Variants in DDX6 observed in about 807,000 individuals in gnomAD.
DDX6 encodes probable ATP-dependent RNA helicase DDX6.
Under a neutral mutation model 60.6 loss-of-function variants are expected in DDX6, and 7 were observed. That is an observed-to-expected ratio of 0.12 (90% confidence interval 0.07 to 0.22). The LOEUF is 0.22. DDX6 is among the 10% of genes least tolerant of loss of function. The pLI is 1.00. For missense variants in DDX6, 270 were observed against 589.9 expected, an observed-to-expected ratio of 0.46 and a Z score of 5.62; for synonymous variants, 207 against 201.0, an observed-to-expected ratio of 1.03 and a Z score of -0.25.
intron 7 of DDX6, among the ~76,000 whole-genome samples, chr11:118,761,694 A>T (rs1023119869): frequency 6.6e-6 from 1 of 152,276 alleles, no homozygotes; most frequent in Middle Eastern, 3.4e-3. Flanking sequence ...AATTAAACCT[A>T]AACTCTGGCA....
At chr11:118,783,663 G>A (rs1454410976) in intron 2 of DDX6, among the ~76,000 whole-genome samples, 2 of 151,750 alleles carry the variant, frequency 1.3e-5, no homozygotes, top group South Asian at 4.1e-4. Context: ...TTAGCCAGAC[G>A]TGATGGTGGA....
At chr11:118,785,917 A>G (rs1343428020) in intron 2 of DDX6, 135 bp downstream of exon 2, 3 of 778,568 alleles carry the variant, frequency 3.9e-6, no homozygotes, top group Non-Finnish European at 3.9e-6. Flanking sequence ...CCTACTGGCC[A>G]TAAAACAAAG....
intron 4 of DDX6, 126 bp from the exon 5 acceptor site, chr11:118,768,478 A>T: frequency 1.1e-6 from 1 of 926,446 alleles, no homozygotes; most frequent in East Asian, 2.5e-5. Context: ...CTACATTTGA[A>T]TTCTACATGA....
At chr11:118,779,196 T>C (rs1861805344) in intron 4 of DDX6, among the ~76,000 whole-genome samples, 1 of 150,068 alleles carries the variant, frequency 6.7e-6, no homozygotes, top group African/African-American at 2.4e-5. Context: ...GAAGGGGTTG[T>C]AGGCTGTATT....
intron 6 of DDX6, among the ~76,000 whole-genome samples, chr11:118,763,538 A>G (rs745980739): frequency 2.6e-5 from 4 of 152,048 alleles, no homozygotes; most frequent in Non-Finnish European, 5.9e-5. Context: ...ACTATCTTTT[A>G]TTAGAAACAA....
chr11:118,774,244 C>T (rs1300808856), intron 4 of DDX6, among the ~76,000 whole-genome samples: 2 of 152,116 alleles, frequency 1.3e-5, no homozygotes, highest in Non-Finnish European at 2.9e-5. Flanking sequence ...CAGACAAAAA[C>T]AGTATATTCT....
intron 5 of DDX6, among the ~76,000 whole-genome samples, chr11:118,767,349 T>C (rs571307335): frequency 1.3e-5 from 2 of 152,214 alleles, no homozygotes; most frequent in Non-Finnish European, 1.5e-5. Flanking sequence ...ATTTACATCA[T>C]ATGAAAGTGG....
intron 11 of DDX6, among the ~76,000 whole-genome samples, 167 bp from the exon 12 acceptor site, chr11:118,755,670 CT>C (rs1388046186): frequency 1.3e-5 from 2 of 152,110 alleles, no homozygotes; most frequent in Non-Finnish European, 2.9e-5. Flanking sequence ...TCATAAATAA[CT>C]TTCTGCTCCC....
At chr11:118,762,847 C>T (rs1465175255) in intron 7 of DDX6, among the ~76,000 whole-genome samples, 4 of 152,080 alleles carry the variant, frequency 2.6e-5, no homozygotes, top group African/African-American at 7.2e-5. Context: ...AAAAACCAAA[C>T]AGTACAAAGT....
intron 4 of DDX6, among the ~76,000 whole-genome samples, chr11:118,770,133 C>A (rs942081445): frequency 6.6e-6 from 1 of 151,986 alleles, no homozygotes; most frequent in African/African-American, 2.4e-5. Context: ...TCAGGCGATT[C>A]TCCTGCCTCA....
chr11:118,776,559 G>C (rs570172015), intron 4 of DDX6, among the ~76,000 whole-genome samples: 1 of 152,188 alleles, frequency 6.6e-6, no homozygotes. Flanking sequence ...AGTGGGCCAG[G>C]TGTGTTGGCT....
chr11:118,776,254 T>C (rs1861695835), intron 4 of DDX6, among the ~76,000 whole-genome samples: 1 of 152,228 alleles, frequency 6.6e-6, no homozygotes, highest in African/African-American at 2.4e-5. Context: ...GTACTAGGCA[T>C]TGTACTAAGC....
At chr11:118,781,696 G>A (rs1861905139) in intron 2 of DDX6, among the ~76,000 whole-genome samples, 1 of 152,226 alleles carries the variant, frequency 6.6e-6, no homozygotes, top group African/African-American at 2.4e-5. Flanking sequence ...GGGAGGCCAA[G>A]GTGGGCGGAT....
At chr11:118,752,624 GA>G (rs1860815182) in intron 13 of DDX6, among the ~76,000 whole-genome samples, 1 of 151,648 alleles carries the variant, frequency 6.6e-6, no homozygotes, top group Non-Finnish European at 1.5e-5. Context: ...AAAAGAAAGA[GA>G]AAAAAAATTT....
At chr11:118,789,411 C>T (rs1423429056) in intron 1 of DDX6, 3 of 152,136 alleles carry the variant, frequency 2.0e-5, no homozygotes, top group African/African-American at 4.8e-5. Context: ...AATACACTAG[C>T]TTACGAGTGC....
intron 4 of DDX6, among the ~76,000 whole-genome samples, chr11:118,774,073 T>G (rs1222765236): frequency 9.9e-5 from 15 of 152,168 alleles, no homozygotes; most frequent in African/African-American, 3.6e-4. Flanking sequence ...AGTACGGAGC[T>G]TCCATGTTTC....
intron 7 of DDX6, among the ~76,000 whole-genome samples, chr11:118,762,824 T>C (rs7110526): frequency 0.23 from 34,293 of 152,042 alleles, 3,981 homozygotes; most frequent in South Asian, 0.32. Flanking sequence ...AGATAATACA[T>C]GTAACAGAGA....
chr11:118,753,460 C>A (rs1326480631), intron 13 of DDX6, among the ~76,000 whole-genome samples: 13 of 151,214 alleles, frequency 8.6e-5, no homozygotes, highest in African/African-American at 2.4e-4. Context: ...CTGCCTCAGC[C>A]TCCCGAGTAG....
At chr11:118,766,961 C>A (rs1375023139) in intron 5 of DDX6, among the ~76,000 whole-genome samples, 2 of 151,832 alleles carry the variant, frequency 1.3e-5, no homozygotes, top group Non-Finnish European at 2.9e-5. Flanking sequence ...TCTTGGCTGA[C>A]TGCAACCTCC....
Sources: gnomAD v4.1 joint callset for allele counts (sites outside exome capture counted in the v4.1 genomes callset) on GRCh38, gnomAD v4.1.1 for gene constraint, MANE v1.5 for transcripts, NCBI Gene and HGNC (gene_info 2026-07-23, HGNC 2026-07-21) for gene names.